The following ACER3 variants were observed in gnomAD, a reference collection of about 807,000 sequenced individuals.
ACER3 encodes alkCDase 3.
Under a neutral mutation model 48.9 loss-of-function variants are expected in ACER3, and 16 were observed. The observed-to-expected ratio is 0.33, with a 90% CI of 0.22 to 0.50. The LOEUF (loss-of-function observed/expected upper bound fraction) is 0.50. ACER3 is among the 20% of genes least tolerant of loss of function. The pLI, the probability that ACER3 is intolerant of heterozygous loss-of-function variation, is 0.98. For missense variants in ACER3, 227 were observed against 326.0 expected (o/e 0.70, Z 2.34); for synonymous variants, 109 against 107.8 (o/e 1.01, Z -0.07).
At chr11:76,963,221 C>T (rs935782039) in intron 3 of ACER3, among the ~76,000 whole-genome samples, 1 of 151,306 alleles carries the variant, frequency 6.6e-6, no homozygotes, top group Non-Finnish European at 1.5e-5. Context: ...AGGAGGGGGG[C>T]TTACTTTAAA....
At chr11:77,019,635 A>T in intron 9 of ACER3, 96 bp from the exon 10 acceptor site, 1 of 1,194,078 alleles carries the variant, frequency 8.4e-7, no homozygotes, top group Non-Finnish European at 1.2e-6. Flanking sequence ...TTTGCTTCGT[A>T]CATGCAGAAG....
intron 4 of ACER3, among the ~76,000 whole-genome samples, chr11:76,980,660 C>G (rs746348536): frequency 6.6e-6 from 1 of 151,236 alleles, no homozygotes; most frequent in Admixed American, 6.6e-5. Context: ...ACCTAGGGGA[C>G]AGAGCAAGAC....
chr11:76,863,237 AT>A (rs1944986980), intron 1 of ACER3, among the ~76,000 whole-genome samples: 1 of 152,204 alleles, frequency 6.6e-6, no homozygotes, highest in Non-Finnish European at 1.5e-5. Context: ...CAAAAAAAAT[AT>A]AAAAAATGCA....
At chr11:76,981,745 A>G (rs1001010397) in intron 4 of ACER3, among the ~76,000 whole-genome samples, 2 of 152,242 alleles carry the variant, frequency 1.3e-5, no homozygotes, top group African/African-American at 4.8e-5. Context: ...GTTGTTACAT[A>G]TATCATTAGT....
At chr11:76,869,353 G>C (rs1945182766) in intron 1 of ACER3, among the ~76,000 whole-genome samples, 1 of 152,168 alleles carries the variant, frequency 6.6e-6, no homozygotes, top group Non-Finnish European at 1.5e-5. Context: ...AAGTCAGACT[G>C]CCAGTTAATT....
In ACER3 at chr11:76,861,180, G is replaced by A. The variant is rs1315931633; in HGVS notation, c.103+101G>A. 15 of 1,172,994 alleles carry A rather than the reference G, an allele frequency of 1.3e-5. No homozygotes were observed. The South Asian group carries it at 2.3e-4, about 18-fold the overall frequency. The allele number at this position is 1,172,994 out of a possible 1,614,324, so 72.7% of individuals were successfully genotyped here. A position where few individuals can be genotyped will look rare whatever the true frequency, so the allele number is the denominator to read the frequency against. On this transcript the variant is annotated intron_variant, in intron 1 of 10. Coordinates refer to ENST00000532485, the MANE Select transcript of ACER3 (RefSeq NM_018367.7). ...AGCGAACCTGGCCGCGAAGGGAGGT[G>A]CCAGGCCTGGCCCCGGGAGCTGGAA... is the stretch of plus-strand genomic sequence containing the variant.
chr11:76,872,905 C>CTTTTCTTTTTTTTTTTTTTTTTTTTTT (rs1945278477), intron 1 of ACER3, among the ~76,000 whole-genome samples: 1 of 94,574 alleles, frequency 1.1e-5, no homozygotes, highest in African/African-American at 4.2e-5. Flanking sequence ...TTTCTTTTTT[C>CTTTTCTTTTTTTTTTTTTTTTTTTTTT]TTTTTCTTTT....
intron 1 of ACER3, among the ~76,000 whole-genome samples, chr11:76,870,489 A>G (rs193252147): frequency 1.3e-5 from 2 of 152,172 alleles, no homozygotes; most frequent in Admixed American, 6.5e-5. Flanking sequence ...CTACTTGGCT[A>G]TTGTGAATAA....
chr11:76,881,475 ATTC>A (rs1381647304), intron 1 of ACER3, among the ~76,000 whole-genome samples: 1 of 152,016 alleles, frequency 6.6e-6, no homozygotes, highest in South Asian at 2.1e-4. Flanking sequence ...CTTTTTAGCC[ATTC>A]TTCTTTGCAT....
chr11:76,907,595 G>T (rs535909599), intron 1 of ACER3, among the ~76,000 whole-genome samples: 17 of 152,350 alleles, frequency 1.1e-4, no homozygotes, highest in Non-Finnish European at 1.8e-4. Context: ...ATAAAGCCGG[G>T]CACAGTGGCT....
In ACER3 at chr11:76,943,085, T is replaced by C. The variant is rs574214843; in HGVS notation, c.215-15894T>C. ...TCTTCTTGGTTAGTCTAGCTAGTGG[T>C]TTATCAATCTTGTTTATCTTTTCAA... On this transcript the variant is annotated intron_variant, in intron 2 of 10. Transcript: ENST00000532485. Among the ~76,000 whole-genome samples, 46 of 152,148 alleles carry C rather than the reference T, an allele frequency of 3.0e-4. No individual in the cohort carries two copies. In the South Asian group the frequency reaches 5.4e-3, roughly 18 times the overall value.
intron 5 of ACER3, among the ~76,000 whole-genome samples, chr11:76,988,237 CAGTT>C (rs1948725236): frequency 1.3e-5 from 2 of 152,146 alleles, no homozygotes; most frequent in Non-Finnish European, 1.5e-5. Context: ...AGCCAGATTT[CAGTT>C]AGTTGAGATG....
intron 6 of ACER3, among the ~76,000 whole-genome samples, chr11:76,991,795 G>A (rs1161290162): frequency 2.6e-5 from 3 of 116,990 alleles, no homozygotes; most frequent in Non-Finnish European, 5.0e-5. Context: ...TAGCCTGGGT[G>A]ACAGAATGAA....
At chr11:76,869,526 T>C (rs190238006) in intron 1 of ACER3, among the ~76,000 whole-genome samples, 91 of 152,362 alleles carry the variant, frequency 6.0e-4, no homozygotes, top group African/African-American at 2.1e-3. Context: ...CCATTTTAAA[T>C]GTACATACAG....
At position 76,959,006 on chromosome 11, in the gene ACER3, A is replaced by G; in HGVS notation, c.242A>G (p.His81Arg). The change falls in exon 3 of 11, where the codon CAC becomes CGC. Residue 81 changes from histidine to arginine, a missense_variant. By Grantham distance (29) the His-to-Arg change is conservative. Coordinates refer to ENST00000532485, the MANE Select transcript of ACER3 (RefSeq NM_018367.7). ...TVVGMGSWCFHMTLKYEMQLL... is the reference protein window; with the variant it reads ...TVVGMGSWCFRMTLKYEMQLL... Reference sequence around the variant, plus strand: ...GTAGGAATGGGATCCTGGTGCTTCCACATGACTCTGAAATATGAAATGCAG... The same window carrying G: ...GTAGGAATGGGATCCTGGTGCTTCCGCATGACTCTGAAATATGAAATGCAG... 6.2e-7 allele frequency: 1 copy of G among 1,614,088 alleles called. No homozygotes were observed. Among genetic ancestry groups the G allele is most frequent in the Non-Finnish European group, 8.5e-7 (1 of 1,179,998 alleles).
At chr11:76,914,918 AC>A (rs1218995107) in intron 1 of ACER3, among the ~76,000 whole-genome samples, 3 of 152,194 alleles carry the variant, frequency 2.0e-5, no homozygotes, top group Admixed American at 1.3e-4. Flanking sequence ...GAAGCTGGAA[AC>A]CATCATTCTC....
rs537741668 is a variant in ACER3, at chr11:76,891,865, TTG to T, written c.103+30788_103+30789del. 8.7e-4 allele frequency among the ~76,000 whole-genome samples: 133 copies of T among 152,312 alleles called. 1 individual carries two copies. The highest frequency in any genetic ancestry group is 9.7e-4 in the Non-Finnish European group (66 of 68,018). ...AAAATAGGAAAAAGCACATCGAGTGTTGTTTTGTTCACACTTACAAGTTATAG... is the reference window on the plus strand; with the variant it reads ...AAAATAGGAAAAAGCACATCGAGTGTTTTTGTTCACACTTACAAGTTATAG... On this transcript the variant is annotated intron_variant, in intron 1 of 10. Coordinates refer to ENST00000532485, the MANE Select transcript of ACER3 (RefSeq NM_018367.7).
At chr11:76,987,159 C>G (rs1948703035) in intron 5 of ACER3, among the ~76,000 whole-genome samples, 1 of 152,186 alleles carries the variant, frequency 6.6e-6, no homozygotes, top group Non-Finnish European at 1.5e-5. Flanking sequence ...AAAGATTGCT[C>G]TGGTTATGAG....
chr11:76,955,731 A>G (rs1364750632), intron 2 of ACER3: 1 of 152,488 alleles, frequency 6.6e-6, no homozygotes, highest in Admixed American at 6.5e-5. Context: ...ATTAGGGGCT[A>G]GAGCTTCAAC....
Sources: gnomAD v4.1 joint callset for allele counts (sites outside exome capture counted in the v4.1 genomes callset) on GRCh38, gnomAD v4.1.1 for gene constraint, MANE v1.5 for transcripts, NCBI Gene and HGNC (gene_info 2026-07-23, HGNC 2026-07-21) for gene names.